The following ADGRL3 variants were observed in gnomAD, a reference collection of about 807,000 sequenced individuals.
The protein encoded by ADGRL3 is calcium-independent alpha-latrotoxin receptor 3.
Under a neutral mutation model 153.5 loss-of-function variants are expected in ADGRL3, and 62 were observed. The observed-to-expected ratio is 0.40, with a 90% CI of 0.33 to 0.50. The LOEUF (loss-of-function observed/expected upper bound fraction) is 0.50, where lower values mean the gene tolerates loss of function less well. Ranked by LOEUF, ADGRL3 falls within the 20% of genes least tolerant of loss-of-function variation. The probability of loss-of-function intolerance (pLI) is 0.47; values close to 1 mark genes in which losing one functional copy is unlikely to be tolerated. For missense variants in ADGRL3, 1,641 were observed against 1,859.4 expected, an observed-to-expected ratio of 0.88 and a Z score of 2.16; for synonymous variants, 710 against 672.5, an observed-to-expected ratio of 1.06 and a Z score of -0.86.
intron 17 of ADGRL3, among the ~76,000 whole-genome samples, chr4:61,968,051 T>C (rs1218744802): frequency 6.6e-6 from 1 of 152,214 alleles, no homozygotes; most frequent in African/African-American, 2.4e-5. Context: ...ATCCATTCAT[T>C]AGGGCAGAGC....
intron 1 of ADGRL3, among the ~76,000 whole-genome samples, chr4:61,230,264 C>G (rs1750023734): frequency 1.3e-5 from 2 of 152,122 alleles, no homozygotes; most frequent in Non-Finnish European, 2.9e-5. Context: ...CATTCTACTA[C>G]CATTATTATT....
chr4:61,558,673 A>G (rs1476554640), intron 4 of ADGRL3, among the ~76,000 whole-genome samples: 2 of 151,748 alleles, frequency 1.3e-5, no homozygotes, highest in East Asian at 3.9e-4. Flanking sequence ...CTATGTGTCT[A>G]TTTATCTATC....
In ADGRL3 at chr4:62,044,547, G is replaced by A; in HGVS notation, c.3812G>A (p.Arg1271Lys). ...GDINSSASLN[R>K]EPYRETKGLL... ...ATAAACAGTTCAGCGTCACTCAACA[G>A]AGGTAATTAGAAATAATTTTTCATA... Residue 1271 changes from arginine (R) to lysine (K), a missense_variant and splice_region_variant, in exon 25 of 27, where the codon AGA becomes AAA. Coordinates refer to ENST00000683033, the MANE Select transcript of ADGRL3 (RefSeq NM_001387552.1). 1 of 1,555,130 alleles carries A rather than the reference G, an allele frequency of 6.4e-7. No homozygotes were observed. Among genetic ancestry groups the A allele is most frequent in the African/African-American group, 1.4e-5 (1 of 73,254 alleles).
intron 19 of ADGRL3, among the ~76,000 whole-genome samples, chr4:61,984,674 G>A (rs1380385038): frequency 5.9e-5 from 9 of 152,048 alleles, no homozygotes; most frequent in Non-Finnish European, 1.2e-4. Context: ...TTTGACCTCT[G>A]CAACAAGTCT....
At chr4:61,723,856 C>G (rs562947291) in intron 6 of ADGRL3, among the ~76,000 whole-genome samples, 1 of 152,254 alleles carries the variant, frequency 6.6e-6, no homozygotes, top group South Asian at 2.1e-4. Flanking sequence ...GGACTCCTTA[C>G]CCTTTCTCCA....
intron 15 of ADGRL3, among the ~76,000 whole-genome samples, chr4:61,945,925 T>C (rs912468289): frequency 2.6e-5 from 4 of 152,316 alleles, no homozygotes; most frequent in South Asian, 2.1e-4. Context: ...AGCTGTAGAC[T>C]GGAGCTGTTC....
chr4:61,794,219 C>G (rs963474091), intron 8 of ADGRL3, among the ~76,000 whole-genome samples: 6 of 152,144 alleles, frequency 3.9e-5, no homozygotes, highest in Admixed American at 3.9e-4. Context: ...TGTATTTAGC[C>G]ATTTCTTCTA....
At chr4:61,823,251 GT>G (rs1179131768) in intron 9 of ADGRL3, among the ~76,000 whole-genome samples, 1 of 151,980 alleles carries the variant, frequency 6.6e-6, no homozygotes, top group African/African-American at 2.4e-5. Flanking sequence ...GTATAGCTGT[GT>G]TTTTTTGTTC....
intron 1 of ADGRL3, among the ~76,000 whole-genome samples, chr4:61,373,791 A>G (rs1207075023): frequency 6.6e-6 from 1 of 152,176 alleles, no homozygotes; most frequent in Non-Finnish European, 1.5e-5. Flanking sequence ...ACTTTTTCCT[A>G]CAAAAAGCCA....
intron 6 of ADGRL3, among the ~76,000 whole-genome samples, chr4:61,681,463 A>G (rs1454278623): frequency 6.6e-6 from 1 of 152,036 alleles, no homozygotes; most frequent in Non-Finnish European, 1.5e-5. Flanking sequence ...TTCTAAGAAA[A>G]TTGCGGGGGG....
At chr4:61,278,627 C>T (rs904460146) in intron 1 of ADGRL3, among the ~76,000 whole-genome samples, 1 of 152,122 alleles carries the variant, frequency 6.6e-6, no homozygotes, top group African/African-American at 2.4e-5. Context: ...CCTCAGCCTC[C>T]TGAGTAGCTG....
intron 2 of ADGRL3, among the ~76,000 whole-genome samples, chr4:61,422,713 G>A: frequency 6.6e-6 from 1 of 151,888 alleles, no homozygotes; most frequent in East Asian, 1.9e-4. Context: ...TTCTATGAAT[G>A]AATAGTAATC....
rs1266269730 is a variant in ADGRL3, at chr4:61,915,577, C to A, written c.2112+2820C>A. On this transcript the variant is annotated intron_variant, in intron 13 of 26. Coordinates refer to ENST00000683033, the MANE Select transcript of ADGRL3 (RefSeq NM_001387552.1). ...AGCAGTTTATTCAGTGGTTGATTTC[C>A]TGGGTTATAATTGACTGACTATGAA... Among the ~76,000 whole-genome samples, 6 of 151,998 alleles carry A rather than the reference C, an allele frequency of 3.9e-5. No individual in the cohort carries two copies. In the East Asian group the frequency reaches 9.7e-4, roughly 25 times the overall value.
At chr4:61,363,016 G>C (rs1482913677) in intron 1 of ADGRL3, among the ~76,000 whole-genome samples, 1 of 152,120 alleles carries the variant, frequency 6.6e-6, no homozygotes, top group African/African-American at 2.4e-5. Context: ...AATGTCTCCT[G>C]AATATCCCTC....
intron 13 of ADGRL3, among the ~76,000 whole-genome samples, chr4:61,915,051 T>C (rs574123503): frequency 1.7e-3 from 263 of 152,192 alleles, no homozygotes; most frequent in Non-Finnish European, 2.9e-3. Flanking sequence ...AGAATAAGGC[T>C]AATAAAGGCA....
At chr4:61,637,633 C>T (rs1242263822) in intron 5 of ADGRL3, among the ~76,000 whole-genome samples, 7 of 152,094 alleles carry the variant, frequency 4.6e-5, no homozygotes, top group African/African-American at 7.2e-5. Flanking sequence ...CGTGGTGGCC[C>T]GCCTGTAATT....
At chr4:61,462,956 C>A (rs938444327) in intron 2 of ADGRL3, among the ~76,000 whole-genome samples, 4 of 152,094 alleles carry the variant, frequency 2.6e-5, no homozygotes, top group African/African-American at 7.2e-5. Flanking sequence ...TTGCTTTTTT[C>A]CACCTCCAAG....
At chr4:61,419,434 G>A (rs777098328) in intron 2 of ADGRL3, among the ~76,000 whole-genome samples, 5 of 150,700 alleles carry the variant, frequency 3.3e-5, no homozygotes, top group Admixed American at 2.0e-4. Flanking sequence ...GGGCAAGGTG[G>A]AAACCCACCC....
chr4:61,721,052 A>C (rs2096234123), intron 6 of ADGRL3, among the ~76,000 whole-genome samples: 1 of 152,230 alleles, frequency 6.6e-6, no homozygotes, highest in Middle Eastern at 3.2e-3. Context: ...GTAAATGCTA[A>C]ATAAGTAGGA....
Sources: allele counts gnomAD v4.1 joint callset (sites outside exome capture counted in the v4.1 genomes callset), GRCh38; gene constraint gnomAD v4.1.1; transcripts MANE v1.5; gene names NCBI Gene and HGNC (gene_info 2026-07-23, HGNC 2026-07-21).